Variants in PHKA1 observed in about 807,000 individuals in gnomAD.
PHKA1 encodes the protein phosphorylase b kinase regulatory subunit alpha, skeletal muscle isoform.
PHKA1 carries 60 observed loss-of-function variants against 110.2 expected under a neutral mutation model. The ratio of observed to expected loss-of-function variants is 0.54; its 90% confidence interval spans 0.44 to 0.68. The LOEUF (loss-of-function observed/expected upper bound fraction) is 0.68. Among genes scored for constraint, PHKA1 ranks in the 30% least tolerant of loss-of-function variants. The probability of loss-of-function intolerance (pLI) is 0.00; values close to 1 mark genes in which losing one functional copy is unlikely to be tolerated. For synonymous variants in PHKA1, 316 were observed against 333.6 expected (o/e 0.95, Z 0.58); for missense variants, 801 against 942.5 (o/e 0.85, Z 1.97).
At chrX:72,687,505 T>G (rs974487591) in intron 4 of PHKA1, among the ~76,000 whole-genome samples, 1 of 111,207 alleles carries the variant, frequency 9.0e-6, no homozygotes, top group Non-Finnish European at 1.9e-5. Context: ...GTCCTTTTGC[T>G]CATAATCTCC....
intron 10 of PHKA1, among the ~76,000 whole-genome samples, chrX:72,655,872 G>A (rs1000902150): frequency 2.8e-4 from 31 of 112,017 alleles, no homozygotes; most frequent in Non-Finnish European, 5.8e-4. Flanking sequence ...CGCCCGCCTC[G>A]GCCTCCCAAA....
chrX:72,635,368 C>G (rs2053218152), intron 15 of PHKA1, 69 bp from the exon 16 acceptor site: 1 of 993,432 alleles, frequency 1.0e-6, no homozygotes, highest in Admixed American at 2.4e-5. Context: ...TTTTAAACTA[C>G]TCATATATTC....
At chrX:72,601,605 C>T (rs1201280277) in intron 28 of PHKA1, among the ~76,000 whole-genome samples, 2 of 110,663 alleles carry the variant, frequency 1.8e-5, no homozygotes, top group Admixed American at 1.9e-4. Context: ...GCAGGGTTCT[C>T]TTGCTAAAGC....
At chrX:72,624,060 G>A (rs1046779285) in intron 17 of PHKA1, among the ~76,000 whole-genome samples, 4 of 111,460 alleles carry the variant, frequency 3.6e-5, no homozygotes, top group African/African-American at 9.8e-5. Flanking sequence ...AAGCTAATAC[G>A]ATTTGATCAA....
At chrX:72,602,764 CAT>C (rs781865011) in intron 26 of PHKA1, among the ~76,000 whole-genome samples, 1 of 112,140 alleles carries the variant, frequency 8.9e-6, no homozygotes, top group South Asian at 3.7e-4. Context: ...CAGCTATACA[CAT>C]AATACAATAC....
At chrX:72,621,792 T>C (rs2052983027) in intron 18 of PHKA1, 2 of 749,691 alleles carry the variant, frequency 2.7e-6, no homozygotes, top group East Asian at 1.5e-4. Flanking sequence ...TGGAGGATTA[T>C]GAAGAATATG....
At chrX:72,651,898 T>C (rs914971031) in intron 12 of PHKA1, among the ~76,000 whole-genome samples, 3 of 111,815 alleles carry the variant, frequency 2.7e-5, no homozygotes, top group Non-Finnish European at 5.6e-5. Context: ...AGTGGGGAAG[T>C]AGACTTGCCA....
Position 72,582,389 on chromosome X carries a change from T to A in PHKA1, c.3498+9A>T. 1 of 1,161,784 alleles carries A rather than the reference T, an allele frequency of 8.6e-7. No homozygotes were observed. The highest frequency in any genetic ancestry group is 1.2e-6 in the Non-Finnish European group (1 of 850,035). On this transcript the variant is annotated intron_variant, in intron 31 of 31. Transcript: ENST00000373542. ...ATTTCTCTATTGAGAAAACAACAGG[T>A]TTGCCTACCTGTTCTTGAAGGAACA...
intron 4 of PHKA1, among the ~76,000 whole-genome samples, chrX:72,685,672 C>T (rs1468025275): frequency 8.9e-6 from 1 of 111,783 alleles, no homozygotes. Context: ...ATAAATATTA[C>T]TGTTTACATA....
rs998446795 is a variant in PHKA1 at position 72,657,633 on chromosome X, A to G, written c.873T>C (p.Tyr291=). Residue 291 remains tyrosine (Y), a synonymous_variant, in exon 9 of 32, where the codon TAT becomes TAC. Transcript: ENST00000373542. The stretch of plus-strand genomic sequence containing the variant: ...CATCTCGTAGAAAGCGACAGCAACC[A>G]TAACGACCCTGGGAATACAAAGAAA... ...QEIITKLQGR[Y]GCCRFLRDGY... is the part of the protein sequence containing the mutation. 8.3e-7 allele frequency: 1 copy of G among 1,207,541 alleles called. No individual in the cohort carries two copies. Among genetic ancestry groups the G allele is most frequent in the Non-Finnish European group, 1.1e-6 (1 of 891,815 alleles).
chrX:72,689,438 T>C (rs993061512), intron 4 of PHKA1, among the ~76,000 whole-genome samples: 1 of 111,873 alleles, frequency 8.9e-6, no homozygotes, highest in Non-Finnish European at 1.9e-5. Context: ...GCCTTTTATG[T>C]CTGGGTTCTT....
chrX:72,615,337 T>C (rs1171627783), intron 21 of PHKA1, among the ~76,000 whole-genome samples: 2 of 112,092 alleles, frequency 1.8e-5, no homozygotes, highest in Middle Eastern at 4.6e-3. Flanking sequence ...TACACAGTCA[T>C]ATGAATACTC....
At chrX:72,603,605 C>A (rs1201617787) in intron 25 of PHKA1, among the ~76,000 whole-genome samples, 1 of 111,222 alleles carries the variant, frequency 9.0e-6, no homozygotes, top group Admixed American at 9.6e-5. Context: ...ACTTCTCAGC[C>A]TGGAAATAAT....
chrX:72,671,234 A>G (rs1261741097), intron 6 of PHKA1, among the ~76,000 whole-genome samples: 1 of 112,106 alleles, frequency 8.9e-6, no homozygotes, highest in African/African-American at 3.2e-5. Flanking sequence ...CAACTTCAGC[A>G]AAGTCTCAGG....
chrX:72,634,894 G>A (rs1319143712), intron 16 of PHKA1, among the ~76,000 whole-genome samples: 1 of 111,812 alleles, frequency 8.9e-6, no homozygotes, highest in Non-Finnish European at 1.9e-5. Context: ...AATTACTCTT[G>A]TATGTTGATT....
At chrX:72,647,736 A>G (rs4585883) in intron 13 of PHKA1, among the ~76,000 whole-genome samples, 40,873 of 109,751 alleles carry the variant, frequency 0.37, 9,180 homozygotes, top group African/African-American at 0.82. Flanking sequence ...AAAGGGAAGA[A>G]GGAAAAGGTT....
intron 5 of PHKA1, among the ~76,000 whole-genome samples, 166 bp downstream of exon 5, chrX:72,684,332 C>T (rs1365616966): frequency 1.8e-5 from 2 of 111,713 alleles, no homozygotes; most frequent in African/African-American, 6.5e-5. Context: ...AGAGAAGACA[C>T]AGGATGACAG....
intron 29 of PHKA1, among the ~76,000 whole-genome samples, chrX:72,589,608 T>A (rs1232228043): frequency 1.8e-5 from 2 of 110,362 alleles, no homozygotes; most frequent in Non-Finnish European, 3.8e-5. Context: ...AAATAAAGGG[T>A]ATTCAATTAG....
At position 72,605,357 on chromosome X, in the gene PHKA1, C is replaced by G. The variant is rs782722259; in HGVS notation, c.2729G>C (p.Gly910Ala). Residue 910 changes from glycine to alanine, a missense_variant, in exon 25 of 32, where the codon GGC (glycine) becomes GCC (alanine). Physicochemically the swap from Gly to Ala is moderately conservative, Grantham distance 60 (BLOSUM62 0). Transcript: ENST00000373542. ...AAGTCGAAACATTTCAGCAAAGAGG[C>G]CAGGCTGGGTTCGCATATACATGGC... ...YLAMYMRTQPGLFAEMFRLRI... is the reference protein window; with the variant it reads ...YLAMYMRTQPALFAEMFRLRI... 2 of 1,205,325 alleles carry G rather than the reference C, an allele frequency of 1.7e-6. No individual in the cohort carries two copies. The highest frequency in any genetic ancestry group is 3.5e-5 in the African/African-American group (2 of 57,142).
Sources: gnomAD v4.1 joint callset for allele counts (sites outside exome capture counted in the v4.1 genomes callset) on GRCh38, gnomAD v4.1.1 for gene constraint, MANE v1.5 for transcripts, NCBI Gene and HGNC (gene_info 2026-07-23, HGNC 2026-07-21) for gene names.